DCBLD2: variants seen among roughly 807,000 people sequenced by gnomAD.
The protein encoded by DCBLD2 is discoidin, CUB and LCCL domain-containing protein 2.
DCBLD2 carries 54 observed loss-of-function variants against 86.8 expected under a neutral mutation model. The ratio of observed to expected loss-of-function variants is 0.62; its 90% confidence interval spans 0.50 to 0.78. The LOEUF is 0.78. Among genes scored for constraint, DCBLD2 ranks in the 30% least tolerant of loss-of-function variants. The pLI is 0.00. For missense variants in DCBLD2, 908 were observed against 954.2 expected, an observed-to-expected ratio of 0.95 and a Z score of 0.64; for synonymous variants, 354 against 341.3, an observed-to-expected ratio of 1.04 and a Z score of -0.41.
At chr3:98,860,457 A>G (rs1232349317) in intron 2 of DCBLD2, among the ~76,000 whole-genome samples, 1 of 106,358 alleles carries the variant, frequency 9.4e-6, no homozygotes, top group Non-Finnish European at 2.0e-5. Flanking sequence ...GGAAAAAATG[A>G]TGAGAGCAGC....
At chr3:98,879,547 C>T (rs867137805) in intron 2 of DCBLD2, among the ~76,000 whole-genome samples, 7 of 152,040 alleles carry the variant, frequency 4.6e-5, no homozygotes, top group Non-Finnish European at 7.4e-5. Flanking sequence ...CCACCACGCC[C>T]GGCTCATTTT....
In DCBLD2 at chr3:98,864,867, AT is replaced by A. The variant is rs1467250857; in HGVS notation, c.434-15270del. Among the ~76,000 whole-genome samples the A allele has an allele frequency of 4.6e-5, 7 of 152,098 alleles. 1 individual carries two copies. The South Asian group carries it at 1.2e-3, about 27-fold the overall frequency. ...TTAAATAATAATAAAAAAAGAAAAA[AT>A]GTTCTGCACCGTTAAACACCAAGGA... On this transcript the variant is annotated intron_variant, in intron 2 of 15. Coordinates refer to ENST00000326840, the MANE Select transcript of DCBLD2 (RefSeq NM_080927.4).
At chr3:98,822,896 G>C (rs1942149272) in intron 4 of DCBLD2, among the ~76,000 whole-genome samples, 155 bp from the exon 5 acceptor site, 1 of 152,088 alleles carries the variant, frequency 6.6e-6, no homozygotes, top group Non-Finnish European at 1.5e-5. Context: ...TTTTGACACG[G>C]AGTTTCACTC....
chr3:98,804,284 T>C (rs1249218580), intron 13 of DCBLD2, among the ~76,000 whole-genome samples: 2 of 152,338 alleles, frequency 1.3e-5, no homozygotes, highest in East Asian at 3.9e-4. Context: ...GGAGGGTGTA[T>C]GTGTCCAGGA....
At chr3:98,829,183 C>T (rs867931416) in intron 3 of DCBLD2, among the ~76,000 whole-genome samples, 6 of 152,028 alleles carry the variant, frequency 3.9e-5, no homozygotes, top group African/African-American at 1.2e-4. Flanking sequence ...ATTTTAGATA[C>T]GGGGTACATG....
At chr3:98,893,641 CAG>C (rs1943699957) in intron 1 of DCBLD2, among the ~76,000 whole-genome samples, 2 of 151,998 alleles carry the variant, frequency 1.3e-5, no homozygotes, top group South Asian at 2.1e-4. Context: ...CTGAAAAAAG[CAG>C]AGATACAAGG....
At chr3:98,844,994 G>T (rs1942693018) in intron 3 of DCBLD2, among the ~76,000 whole-genome samples, 1 of 152,204 alleles carries the variant, frequency 6.6e-6, no homozygotes. Flanking sequence ...TGCTTCTGTG[G>T]AACAGTTGAA....
chr3:98,874,145 A>G (rs1213478906), intron 2 of DCBLD2, among the ~76,000 whole-genome samples: 1 of 152,248 alleles, frequency 6.6e-6, no homozygotes, highest in African/African-American at 2.4e-5. Flanking sequence ...ATAGCTTCAC[A>G]GAGTGAAACC....
At position 98,798,899 on chromosome 3, in the gene DCBLD2, C is replaced by T. The variant is rs569473591; in HGVS notation, c.*473G>A. The stretch of plus-strand genomic sequence containing the variant: ...TATATCACTAATTATTAAAAAAAAT[C>T]CAGAAAAGAATATAGGAATAGAAGA... On this transcript the variant is annotated 3_prime_UTR_variant, in exon 16 of 16. Transcript: ENST00000326840. 1 of 152,740 alleles carries T rather than the reference C, an allele frequency of 6.5e-6. No individual in the cohort carries two copies. The highest frequency in any genetic ancestry group is 1.9e-4 in the East Asian group (1 of 5,178). The allele number at this position is 152,740 out of a possible 1,614,324, so 9.5% of individuals were successfully genotyped here.
chr3:98,864,058 C>A (rs981900604), intron 2 of DCBLD2, among the ~76,000 whole-genome samples: 1 of 152,222 alleles, frequency 6.6e-6, no homozygotes, highest in African/African-American at 2.4e-5. Context: ...TGAACAGACA[C>A]TTCTCAAAAG....
At chr3:98,867,825 C>T (rs1430869046) in intron 2 of DCBLD2, among the ~76,000 whole-genome samples, 17 of 148,338 alleles carry the variant, frequency 1.1e-4, no homozygotes, top group Non-Finnish European at 1.5e-4. Context: ...TTTTTTGAGA[C>T]GGAGTCTCGC....
intron 2 of DCBLD2, among the ~76,000 whole-genome samples, chr3:98,863,876 G>C (rs1459597010): frequency 2.6e-5 from 4 of 152,116 alleles, no homozygotes; most frequent in African/African-American, 9.7e-5. Context: ...TTAAACTAAA[G>C]AGCTTCTGCA....
rs1202790082 is a variant in DCBLD2, at chr3:98,901,593, G to T, written c.-267C>A. ...GCGGAGTCCTCGAGCCGCGGAGGAC[G>T]GCCGCGGCGGAGCTAAGGAACGTGC... is the stretch of plus-strand genomic sequence containing the variant. On this transcript the variant is annotated 5_prime_UTR_variant, in exon 1 of 16. Coordinates refer to ENST00000326840, the MANE Select transcript of DCBLD2 (RefSeq NM_080927.4). 3 of 295,368 alleles carry T rather than the reference G, an allele frequency of 1.0e-5. No homozygotes were observed. Among genetic ancestry groups the T allele is most frequent in the East Asian group, 1.1e-4 (2 of 17,960 alleles). The allele number at this position is 295,368 out of a possible 1,614,324, so 18.3% of individuals were successfully genotyped here.
intron 8 of DCBLD2, among the ~76,000 whole-genome samples, chr3:98,818,649 T>C (rs1054821623): frequency 6.6e-6 from 1 of 152,164 alleles, no homozygotes; most frequent in Non-Finnish European, 1.5e-5. Context: ...TCGGCACCAT[T>C]TAATCTGCAT....
At chr3:98,819,064 T>C (rs1488987291) in intron 8 of DCBLD2, 138 bp downstream of exon 8, 1 of 870,018 alleles carries the variant, frequency 1.1e-6, no homozygotes, top group Non-Finnish European at 1.7e-6. Context: ...TCTAGTAATA[T>C]TAACATCAGT....
chr3:98,827,045 A>G (rs1476768389), intron 3 of DCBLD2, among the ~76,000 whole-genome samples: 1 of 152,222 alleles, frequency 6.6e-6, no homozygotes, highest in Non-Finnish European at 1.5e-5. Context: ...CTAGAGCTTA[A>G]TAACTGTGTT....
chr3:98,813,609 A>T (rs1391467865), intron 9 of DCBLD2: 1 of 151,970 alleles, frequency 6.6e-6, no homozygotes, highest in Non-Finnish European at 1.5e-5. Flanking sequence ...AAGTATACTC[A>T]CACCTAGACC....
At chr3:98,857,719 C>A (rs1055483959) in intron 2 of DCBLD2, among the ~76,000 whole-genome samples, 1 of 151,866 alleles carries the variant, frequency 6.6e-6, no homozygotes, top group Non-Finnish European at 1.5e-5. Flanking sequence ...AGGTTCTCCA[C>A]GTCCCCACTA....
Position 98,820,837 on chromosome 3 carries a change from A to G in DCBLD2, c.831-549T>C, listed in dbSNP as rs1297777270. 2.0e-5 allele frequency: 3 copies of G among 149,432 alleles called. No individual in the cohort carries two copies. The East Asian group carries it at 5.9e-4, about 29-fold the overall frequency. The allele number at this position is 149,432 out of a possible 1,614,324, so 9.3% of individuals were successfully genotyped here. ...AGTTTCAGTGTACACTCCTGCCTTT[A>G]GTCCAACATACAAACCATTACAAGA... On this transcript the variant is annotated intron_variant, in intron 6 of 15. Coordinates refer to ENST00000326840, the MANE Select transcript of DCBLD2 (RefSeq NM_080927.4).
Sources: allele counts gnomAD v4.1 joint callset (sites outside exome capture counted in the v4.1 genomes callset), GRCh38; gene constraint gnomAD v4.1.1; transcripts MANE v1.5; gene names NCBI Gene and HGNC (gene_info 2026-07-23, HGNC 2026-07-21).